The following RBBP5 variants were observed in gnomAD, a reference collection of about 807,000 sequenced individuals.
RBBP5 encodes retinoblastoma-binding protein 5.
A neutral mutation model predicts 72.2 loss-of-function variants in RBBP5; 5 were observed. The observed-to-expected ratio is 0.07, with a 90% CI of 0.04 to 0.15. The LOEUF is 0.15. Ranked by LOEUF, RBBP5 falls within the 10% of genes least tolerant of loss-of-function variation. The pLI, the probability that RBBP5 is intolerant of heterozygous loss-of-function variation, is 1.00. For missense variants in RBBP5, 322 were observed against 652.2 expected, an observed-to-expected ratio of 0.49 and a Z score of 5.51; for synonymous variants, 209 against 237.2, an observed-to-expected ratio of 0.88 and a Z score of 1.09.
At chr1:205,113,555 G>A (rs557837342) in intron 3 of RBBP5, among the ~76,000 whole-genome samples, 6 of 151,902 alleles carry the variant, frequency 3.9e-5, no homozygotes, top group South Asian at 4.2e-4. Context: ...ATGAGCCAAC[G>A]CATCTCGCCA....
At chr1:205,112,548 C>A (rs560301944) in intron 3 of RBBP5, among the ~76,000 whole-genome samples, 36 of 152,094 alleles carry the variant, frequency 2.4e-4, no homozygotes, top group African/African-American at 8.7e-4. Flanking sequence ...GTCCCCAGAG[C>A]CTAACATAGC....
chr1:205,099,900 A>C lies in RBBP5; in HGVS notation c.906+11T>G. On this transcript the variant is annotated intron_variant, in intron 8 of 13. Transcript: ENST00000264515. This position sits in a 1 kb window ranked among gnomAD's most constrained non-coding sequence, Gnocchi z 4.7. ...ATGTGACTAACAAAAGCAATGTCCT[A>C]ATGTACTCACAGCTACATCCAAGAG... is the stretch of plus-strand genomic sequence containing the variant. 6.2e-7 allele frequency: 1 copy of C among 1,614,028 alleles called. No homozygotes were observed. The highest frequency in any genetic ancestry group is 1.1e-5 in the South Asian group (1 of 91,074).
chr1:205,107,259 A>T (rs1232747034), intron 3 of RBBP5, among the ~76,000 whole-genome samples: 1 of 152,174 alleles, frequency 6.6e-6, no homozygotes, highest in Non-Finnish European at 1.5e-5. Flanking sequence ...CTGGCAAGAG[A>T]TACAAAACCT....
At chr1:205,101,230 A>G (rs1655808892) in intron 6 of RBBP5, among the ~76,000 whole-genome samples, 1 of 152,232 alleles carries the variant, frequency 6.6e-6, no homozygotes, top group South Asian at 2.1e-4. Context: ...ACCTACCAGA[A>G]TAACATCCAA....
chr1:205,094,042 T>C (rs1655519298), intron 13 of RBBP5, among the ~76,000 whole-genome samples: 1 of 152,188 alleles, frequency 6.6e-6, no homozygotes, highest in South Asian at 2.1e-4. Context: ...TACACAGAAA[T>C]GGATTCTAAT....
At chr1:205,090,847 C>T (rs1254714680) in intron 13 of RBBP5, among the ~76,000 whole-genome samples, 2 of 141,174 alleles carry the variant, frequency 1.4e-5, no homozygotes, top group Non-Finnish European at 3.1e-5. Context: ...TTAGTCTTCA[C>T]AAGGAAAGGA....
rs573359916 is a variant in RBBP5, at chr1:205,111,623, C to G, written c.218+3166G>C. On this transcript the variant is annotated intron_variant, in intron 3 of 13. Coordinates refer to ENST00000264515, the MANE Select transcript of RBBP5 (RefSeq NM_005057.4). Reference sequence around the variant, plus strand: ...TTTCTCACATCTGTCTAACTTGGCTCCTTTCTTACTGCAACACTCATTATC... The same window carrying G: ...TTTCTCACATCTGTCTAACTTGGCTGCTTTCTTACTGCAACACTCATTATC... Among the ~76,000 whole-genome samples the G allele has an allele frequency of 3.3e-5, 5 of 152,314 alleles. No individual in the cohort carries two copies. The East Asian group carries it at 5.8e-4, about 18-fold the overall frequency.
At chr1:205,097,604 A>T (rs1359148735) in intron 10 of RBBP5, among the ~76,000 whole-genome samples, 9 of 152,230 alleles carry the variant, frequency 5.9e-5, no homozygotes, top group Admixed American at 5.2e-4. Context: ...AAAAGTTGGG[A>T]ACAGCTCTTC....
intron 3 of RBBP5, among the ~76,000 whole-genome samples, chr1:205,112,638 A>G (rs899572827): frequency 6.6e-6 from 1 of 152,196 alleles, no homozygotes; most frequent in Non-Finnish European, 1.5e-5. Context: ...GCACAAAGAC[A>G]TTCACTAAAC....
chr1:205,114,719 A>G, intron 3 of RBBP5, 70 bp downstream of exon 3: 2 of 1,311,168 alleles, frequency 1.5e-6, no homozygotes, highest in South Asian at 3.1e-5. Context: ...AATATCTACA[A>G]TGAGATTTGC....
chr1:205,104,985 T>C (rs759309531), intron 4 of RBBP5, 43 bp downstream of exon 4: 14 of 1,594,844 alleles, frequency 8.8e-6, no homozygotes, highest in South Asian at 2.2e-5. Context: ...CTAATCCATA[T>C]AGAATTAGAC....
chr1:205,118,114 C>G (rs1396183070), intron 1 of RBBP5, among the ~76,000 whole-genome samples: 1 of 151,984 alleles, frequency 6.6e-6, no homozygotes, highest in Non-Finnish European at 1.5e-5. Flanking sequence ...CCCACCTCAA[C>G]TGCTTGTAAG....
At chr1:205,116,318 C>A in intron 1 of RBBP5, 1 of 378,866 alleles carries the variant, frequency 2.6e-6, no homozygotes, top group Non-Finnish European at 5.4e-6. Flanking sequence ...AAAATATTAT[C>A]TCAGTTTTAA....
At chr1:205,121,070 T>A (rs1346986882) in intron 1 of RBBP5, among the ~76,000 whole-genome samples, 1 of 152,214 alleles carries the variant, frequency 6.6e-6, no homozygotes, top group Non-Finnish European at 1.5e-5. Context: ...CTGACTTTTT[T>A]AAAAGAGAAA....
intron 13 of RBBP5, among the ~76,000 whole-genome samples, chr1:205,090,927 C>G (rs1192310620): frequency 6.6e-6 from 1 of 151,736 alleles, no homozygotes; most frequent in Non-Finnish European, 1.5e-5. Flanking sequence ...ACAAAACTAC[C>G]AAGCATTAAA....
Position 205,100,253 on chromosome 1 carries a change from C to A in RBBP5, c.651G>T (p.Thr217=), listed in dbSNP as rs373386578. 3.1e-6 allele frequency: 5 copies of A among 1,613,648 alleles called. No homozygotes were observed. The African/African-American group carries it at 4.0e-5, about 13-fold the overall frequency. The change falls in exon 7 of 14, where the codon ACG becomes ACT. Residue 217 remains threonine (T), a synonymous_variant. Transcript: ENST00000264515. Reference sequence around the variant, plus strand: ...CATAAACTCTGATTATTCGATCTGCCGTGTTAATTAAAAAGCAACTACGGG... The same window carrying A: ...CATAAACTCTGATTATTCGATCTGCAGTGTTAATTAAAAAGCAACTACGGG... The part of the protein sequence containing the change: ...ARKGSCFLIN[T]ADRIIRVYDG...
At chr1:205,110,510 C>T (rs1056740842) in intron 3 of RBBP5, among the ~76,000 whole-genome samples, 6 of 152,058 alleles carry the variant, frequency 3.9e-5, no homozygotes, top group African/African-American at 1.4e-4. Flanking sequence ...TCTATAGACA[C>T]AACTATATAA....
At chr1:205,089,928 T>G (rs1270224551) in intron 13 of RBBP5, among the ~76,000 whole-genome samples, 1 of 152,204 alleles carries the variant, frequency 6.6e-6, no homozygotes, top group East Asian at 1.9e-4. Flanking sequence ...CTCAGCTCAC[T>G]GCAACCTCCG....
intron 3 of RBBP5, 100 bp downstream of exon 3, chr1:205,114,689 T>C: frequency 8.7e-7 from 1 of 1,151,254 alleles, no homozygotes; most frequent in South Asian, 1.8e-5. Context: ...TGGCTGAATA[T>C]TTAAAAATCT....
Sources: gnomAD v4.1 joint callset for allele counts (sites outside exome capture counted in the v4.1 genomes callset) on GRCh38, gnomAD v4.1.1 for gene constraint, Gnocchi (gnomAD v3.1) non-coding constraint, MANE v1.5 for transcripts, NCBI Gene and HGNC (gene_info 2026-07-23, HGNC 2026-07-21) for gene names.